The following ABCD2 variants were observed in gnomAD, a reference collection of about 807,000 sequenced individuals.
ABCD2 encodes the protein ATP-binding cassette sub-family D member 2.
Under a neutral mutation model 70.9 loss-of-function variants are expected in ABCD2, and 36 were observed. That is an observed-to-expected ratio of 0.51 (90% CI 0.39 to 0.67). The LOEUF (loss-of-function observed/expected upper bound fraction) is 0.67. ABCD2 is among the 30% of genes least tolerant of loss of function. The pLI is 0.00. For missense variants in ABCD2, 729 were observed against 890.2 expected, an observed-to-expected ratio of 0.82 and a Z score of 2.30; for synonymous variants, 304 against 306.9, an observed-to-expected ratio of 0.99 and a Z score of 0.10.
At chr12:39,603,312 T>C (rs1460869454) in intron 5 of ABCD2, among the ~76,000 whole-genome samples, 1 of 152,138 alleles carries the variant, frequency 6.6e-6, no homozygotes, top group Non-Finnish European at 1.5e-5. Context: ...AAACATGTGT[T>C]TGAATTTTAT....
the ABCD2 span, among the ~76,000 whole-genome samples, chr12:39,542,235 G>A: frequency 1.0e-3 from 154 of 152,208 alleles, 1 homozygote; most frequent in East Asian, 3.3e-3. Flanking sequence ...AGGCCAAGGC[G>A]GGCGGATCAT....
chr12:39,565,916 C>G (rs149600589), intron 9 of ABCD2, among the ~76,000 whole-genome samples: 1 of 152,222 alleles, frequency 6.6e-6, no homozygotes, highest in Non-Finnish European at 1.5e-5. Flanking sequence ...GTTCTGTTTA[C>G]ATGCTGGATT....
intron 9 of ABCD2, among the ~76,000 whole-genome samples, chr12:39,563,420 G>C (rs375592720): frequency 6.6e-5 from 10 of 151,932 alleles, no homozygotes; most frequent in Non-Finnish European, 1.5e-4. Flanking sequence ...AAAATAACAT[G>C]TTTTCTGTAA....
downstream of ABCD2, among the ~76,000 whole-genome samples, chr12:39,548,005 A>G (rs1450703741): frequency 2.0e-5 from 3 of 152,040 alleles, no homozygotes; most frequent in Non-Finnish European, 4.4e-5. Flanking sequence ...CAACTTTGCC[A>G]TTGTGTGGAA....
chr12:39,619,462 T>C lies in ABCD2; in HGVS notation c.154A>G (p.Lys52Glu), dbSNP rs1942164393. 6.2e-7 allele frequency: 1 copy of C among 1,614,008 alleles called. No homozygotes were observed. Among genetic ancestry groups the C allele is most frequent in the Non-Finnish European group, 8.5e-7 (1 of 1,180,024 alleles). ...KRLKQSGHGK[K>E]KAAAYPAAEN... ...GCAGCAGGGTAAGCTGCTGCTTTTT[T>C]CTTCCCGTGGCCAGATTGCTTTAAA... Residue 52 changes from lysine (K) to glutamate (E), a missense_variant, in exon 1 of 10, where the codon AAA becomes GAA. By Grantham distance (56) the Lys-to-Glu change is moderately conservative (BLOSUM62 1). Coordinates refer to ENST00000308666, the MANE Select transcript of ABCD2 (RefSeq NM_005164.4).
At chr12:39,560,808 A>G (rs2120545740) in intron 9 of ABCD2, among the ~76,000 whole-genome samples, 1 of 152,298 alleles carries the variant, frequency 6.6e-6, no homozygotes, top group South Asian at 2.1e-4. Context: ...GTAACCATGA[A>G]GCAAAAACAT....
chr12:39,587,331 C>T (rs1941679643), intron 6 of ABCD2, among the ~76,000 whole-genome samples: 1 of 152,158 alleles, frequency 6.6e-6, no homozygotes, highest in African/African-American at 2.4e-5. Context: ...GGTTTCTCAA[C>T]AACGGCACTT....
intron 3 of ABCD2, among the ~76,000 whole-genome samples, chr12:39,605,742 G>T (rs150609008): frequency 9.1e-4 from 138 of 152,152 alleles, no homozygotes; most frequent in African/African-American, 3.3e-3. Flanking sequence ...GAAACAGAAT[G>T]CACAAGAACT....
chr12:39,534,589 A>G, the ABCD2 span, among the ~76,000 whole-genome samples: 1 of 151,792 alleles, frequency 6.6e-6, no homozygotes, highest in Non-Finnish European at 1.5e-5. Flanking sequence ...AGGCAGAAGC[A>G]TCCCTTGAGC....
intron 9 of ABCD2, among the ~76,000 whole-genome samples, chr12:39,566,102 T>A (rs539345308): frequency 1.1e-4 from 17 of 152,314 alleles, no homozygotes; most frequent in African/African-American, 4.1e-4. Flanking sequence ...TTTTTTGTTG[T>A]GTCTCTGCCC....
chr12:39,560,083 C>T (rs965397062), intron 9 of ABCD2, among the ~76,000 whole-genome samples: 14 of 152,104 alleles, frequency 9.2e-5, no homozygotes, highest in Non-Finnish European at 1.3e-4. Flanking sequence ...CATACGTATA[C>T]GTGTGCCATG....
At position 39,562,378 on chromosome 12, in the gene ABCD2, CAT is replaced by C. The variant is rs543254484; in HGVS notation, c.2004-8249_2004-8248del. On this transcript the variant is annotated intron_variant, in intron 9 of 9. Coordinates refer to ENST00000308666, the MANE Select transcript of ABCD2 (RefSeq NM_005164.4). Reference sequence around the variant, plus strand: ...AATAAAATAGAGCCTGGAAAAACAACATAAAATATCAGCAAAAATGAATAATT... The same window carrying C: ...AATAAAATAGAGCCTGGAAAAACAACAAAATATCAGCAAAAATGAATAATT... 2.0e-3 allele frequency among the ~76,000 whole-genome samples: 310 copies of C among 151,690 alleles called. 3 individuals are homozygous for C. The highest frequency in any genetic ancestry group is 6.7e-3 in the African/African-American group (279 of 41,388).
chr12:39,585,783 T>C (rs1941655986), intron 7 of ABCD2, among the ~76,000 whole-genome samples: 1 of 152,194 alleles, frequency 6.6e-6, no homozygotes, highest in South Asian at 2.1e-4. Context: ...TATCTACTTC[T>C]CAAATTATTT....
intron 7 of ABCD2, among the ~76,000 whole-genome samples, chr12:39,580,078 G>T (rs754501982): frequency 6.6e-6 from 1 of 152,196 alleles, no homozygotes; most frequent in Non-Finnish European, 1.5e-5. Flanking sequence ...TTGTAAGACA[G>T]ATTTTATTTC....
At position 39,553,387 on chromosome 12, in the gene ABCD2, T is replaced by G. The variant is rs1941115623; in HGVS notation, c.*525A>C. 6.6e-6 allele frequency: 1 copy of G among 152,114 alleles called. No homozygotes were observed. Among genetic ancestry groups the G allele is most frequent in the Non-Finnish European group, 1.5e-5 (1 of 67,966 alleles). 9.4% of individuals were successfully genotyped at this position (152,114 alleles called of 1,614,324 possible). A position where few individuals can be genotyped will look rare whatever the true frequency, so the allele number is the denominator to read the frequency against. On this transcript the variant is annotated 3_prime_UTR_variant, in exon 10 of 10. Transcript: ENST00000308666. ...TTCAACAAATGCCATTAAAACAATT[T>G]TTATATTGAAATTATTTATAAAACT...
chr12:39,563,488 T>C (rs1210161622), intron 9 of ABCD2, among the ~76,000 whole-genome samples: 1 of 152,096 alleles, frequency 6.6e-6, no homozygotes, highest in Non-Finnish European at 1.5e-5. Flanking sequence ...TTCAGTGTAC[T>C]ACTGAAAGTC....
chr12:39,550,205 G>A lies in ABCD2; in HGVS notation c.*3707C>T, dbSNP rs1941068445. The A allele has an allele frequency of 6.6e-6, 1 of 151,598 alleles. No individual in the cohort carries two copies. The allele number at this position is 151,598 out of a possible 1,614,324, so 9.4% of individuals were successfully genotyped here. A position where few individuals can be genotyped will look rare whatever the true frequency, so the allele number is the denominator to read the frequency against. On this transcript the variant is annotated 3_prime_UTR_variant, in exon 10 of 10. Transcript: ENST00000308666. Reference sequence around the variant, plus strand: ...TATATACAATACAATGTCTAAGTAAGGCGTATATAGACATATACCCAACAT... The same window carrying A: ...TATATACAATACAATGTCTAAGTAAAGCGTATATAGACATATACCCAACAT...
At chr12:39,559,592 C>A (rs1437206260) in intron 9 of ABCD2, among the ~76,000 whole-genome samples, 2 of 151,788 alleles carry the variant, frequency 1.3e-5, no homozygotes, top group African/African-American at 4.8e-5. Flanking sequence ...TACAATCAAA[C>A]TGCCAAAAAC....
Position 39,567,140 on chromosome 12 carries a change from A to G in ABCD2, c.2003+6576T>C, listed in dbSNP as rs1333496394. Among the ~76,000 whole-genome samples, 5 of 152,148 alleles carry G rather than the reference A, an allele frequency of 3.3e-5. 1 individual carries two copies. Among genetic ancestry groups the G allele is most frequent in the Non-Finnish European group, 7.4e-5 (5 of 68,020 alleles). ...GGTGTGGAGAGTTCTGTAGATGTCT[A>G]TTAGGTCTGCTTGGTGCAGAGCTGA... On this transcript the variant is annotated intron_variant, in intron 9 of 9. Transcript: ENST00000308666.
Sources: allele counts gnomAD v4.1 joint callset (sites outside exome capture counted in the v4.1 genomes callset), GRCh38; gene constraint gnomAD v4.1.1; transcripts MANE v1.5; gene names NCBI Gene and HGNC (gene_info 2026-07-23, HGNC 2026-07-21).